TMTC4: variants seen among roughly 807,000 people sequenced by gnomAD.
TMTC4 encodes the protein protein O-mannosyl-transferase TMTC4.
In TMTC4, 65 loss-of-function variants were observed where a neutral mutation model predicts 86.0. The observed-to-expected ratio is 0.76, with a 90% CI of 0.62 to 0.93. TMTC4 has a LOEUF of 0.93. Ranked by LOEUF, TMTC4 falls within the 40% of genes least tolerant of loss-of-function variation. The probability of loss-of-function intolerance (pLI) is 0.00; values close to 1 mark genes in which losing one functional copy is unlikely to be tolerated. For missense variants in TMTC4, 866 were observed against 948.1 expected, an observed-to-expected ratio of 0.91 and a Z score of 1.14; for synonymous variants, 379 against 382.5, an observed-to-expected ratio of 0.99 and a Z score of 0.11.
chr13:100,628,957 T>G (rs1880945072), intron 12 of TMTC4, among the ~76,000 whole-genome samples: 1 of 152,148 alleles, frequency 6.6e-6, no homozygotes, highest in African/African-American at 2.4e-5. Context: ...GAGACCAGCG[T>G]GTCCAACATG....
intron 15 of TMTC4, among the ~76,000 whole-genome samples, chr13:100,618,879 A>G (rs1049049747): frequency 2.0e-5 from 3 of 152,328 alleles, no homozygotes; most frequent in Admixed American, 6.5e-5. Flanking sequence ...AAAGTCTCCC[A>G]TGTCTACTTC....
At chr13:100,674,416 G>A (rs1887564045) in intron 1 of TMTC4, 5 of 920,634 alleles carry the variant, frequency 5.4e-6, no homozygotes, top group Non-Finnish European at 6.5e-6. Context: ...AGGGAGCGCC[G>A]GCGCGGCTGT....
intron 15 of TMTC4, chr13:100,624,571 AAAAC>A (rs71862363): frequency 0.82 from 124,120 of 151,286 alleles, 51,536 homozygotes; most frequent in East Asian, 0.99. Context: ...AAAACAAAAC[AAAAC>A]AAACAAACAA....
At chr13:100,627,322 G>C (rs1036155529) in intron 12 of TMTC4, among the ~76,000 whole-genome samples, 1 of 152,186 alleles carries the variant, frequency 6.6e-6, no homozygotes, top group Non-Finnish European at 1.5e-5. Flanking sequence ...GTAAGTGTGT[G>C]AGTGCCCCAG....
intron 15 of TMTC4, among the ~76,000 whole-genome samples, chr13:100,615,431 G>A (rs944802380): frequency 6.6e-6 from 1 of 150,960 alleles, no homozygotes; most frequent in East Asian, 2.0e-4. Context: ...GTGAGCCACC[G>A]CGCCAGGCGT....
chr13:100,615,398 C>T (rs1276399279), intron 15 of TMTC4, among the ~76,000 whole-genome samples: 1 of 151,894 alleles, frequency 6.6e-6, no homozygotes, highest in Non-Finnish European at 1.5e-5. Context: ...GCCTCAGCCT[C>T]CCGAAGTGCT....
chr13:100,647,948 A>G (rs1015259389), intron 6 of TMTC4, among the ~76,000 whole-genome samples: 1 of 152,168 alleles, frequency 6.6e-6, no homozygotes, highest in Non-Finnish European at 1.5e-5. Flanking sequence ...CCACACTCTC[A>G]AACTCTAAAC....
Position 100,635,133 on chromosome 13 carries a change from A to C in TMTC4, c.1265T>G (p.Phe422Cys), listed in dbSNP as rs749369839. 6.2e-7 allele frequency: 1 copy of C among 1,614,090 alleles called. No homozygotes were observed. The highest frequency in any genetic ancestry group is 8.5e-7 in the Non-Finnish European group (1 of 1,179,986). ...IPFLPASNLFFRVGFVVAERV... is the reference protein window; with the variant it reads ...IPFLPASNLFCRVGFVVAERV... ...CTCTGCGACCACGAAGCCCACTCGGAAGAACAGGTTACTCGCGGGGAGAAA... is the reference window on the plus strand; with the variant it reads ...CTCTGCGACCACGAAGCCCACTCGGCAGAACAGGTTACTCGCGGGGAGAAA... Residue 422 changes from phenylalanine to cysteine, a missense_variant, in exon 11 of 19, where the codon TTC (phenylalanine) becomes TGC (cysteine). Transcript: ENST00000342624.
chr13:100,618,451 CTTGTTTTTTTT>C lies in TMTC4; in HGVS notation c.1837-4032_1837-4022del, dbSNP rs1878874245. On this transcript the variant is annotated intron_variant, in intron 15 of 18. Transcript: ENST00000342624. ...GAATGCTTCCAGATTTTTGTTGCTT[CTTGTTTTTTTT>C]TTTTTTTTAATCTCTCTCTCTCTCT... Among the ~76,000 whole-genome samples the C allele has an allele frequency of 4.9e-5, 4 of 82,432 alleles. No homozygotes were observed. The South Asian group carries it at 1.7e-3, about 34-fold the overall frequency. 54.1% of individuals were successfully genotyped at this position (82,432 alleles called of 152,430 possible).
In TMTC4 at chr13:100,635,141, G is replaced by T. The variant is rs778916393; in HGVS notation, c.1257C>A (p.Asn419Lys). ...CCACGAAGCCCACTCGGAAGAACAG[G>T]TTACTCGCGGGGAGAAATGGGATAA... ...FLVIPFLPAS[N>K]LFFRVGFVVA... The change falls in exon 11 of 19, where the codon AAC becomes AAA. Residue 419 changes from asparagine (N) to lysine (K), a missense_variant. Coordinates refer to ENST00000342624, the MANE Select transcript of TMTC4 (RefSeq NM_032813.5). 6.8e-6 allele frequency: 11 copies of T among 1,613,752 alleles called. No homozygotes were observed. Among genetic ancestry groups the T allele is most frequent in the Non-Finnish European group, 8.5e-6 (10 of 1,179,936 alleles).
intron 16 of TMTC4, 81 bp from the exon 17 acceptor site, chr13:100,612,591 T>C (rs72661055): frequency 0.013 from 13,153 of 991,022 alleles, 112 homozygotes; most frequent in Non-Finnish European, 0.017. Context: ...TAACAGGGTT[T>C]ATGTGCACAG....
At chr13:100,649,799 ATTAC>A (rs1418200445) in intron 6 of TMTC4, among the ~76,000 whole-genome samples, 21 of 151,442 alleles carry the variant, frequency 1.4e-4, no homozygotes, top group Non-Finnish European at 2.9e-4. Context: ...ATAAATAAAA[ATTAC>A]TTAATATTTA....
At chr13:100,627,138 G>C (rs546642291) in intron 12 of TMTC4, among the ~76,000 whole-genome samples, 4 of 152,256 alleles carry the variant, frequency 2.6e-5, no homozygotes, top group African/African-American at 9.6e-5. Context: ...CCTGTCTCTG[G>C]TATTATTCTC....
At chr13:100,642,837 G>A (rs1471100945) in intron 6 of TMTC4, among the ~76,000 whole-genome samples, 3 of 152,136 alleles carry the variant, frequency 2.0e-5, no homozygotes, top group Non-Finnish European at 2.9e-5. Context: ...TCCCTGTGTG[G>A]AACAGCTCCA....
chr13:100,668,216 GTT>G (rs34960647), intron 3 of TMTC4: 36 of 157,676 alleles, frequency 2.3e-4, no homozygotes, highest in East Asian at 1.6e-3. Context: ...TGCGTGATGG[GTT>G]TTTTTTTTTT....
At chr13:100,663,450 C>A (rs937119265) in intron 4 of TMTC4, among the ~76,000 whole-genome samples, 2 of 152,080 alleles carry the variant, frequency 1.3e-5, no homozygotes, top group Admixed American at 6.6e-5. Context: ...AGAGGAAAAT[C>A]GAAAGGAAAG....
chr13:100,662,262 T>G, intron 5 of TMTC4, among the ~76,000 whole-genome samples: 1 of 136,220 alleles, frequency 7.3e-6, no homozygotes, highest in Admixed American at 7.1e-5. Flanking sequence ...TGGAGGAGGG[T>G]GGAGAGACTT....
chr13:100,646,548 C>A (rs949074378), intron 6 of TMTC4, among the ~76,000 whole-genome samples: 1 of 152,202 alleles, frequency 6.6e-6, no homozygotes, highest in Non-Finnish European at 1.5e-5. Flanking sequence ...CAGCCCGTTT[C>A]ATTAAACTCT....
intron 15 of TMTC4, among the ~76,000 whole-genome samples, chr13:100,619,574 C>T (rs1021285325): frequency 1.2e-4 from 19 of 152,188 alleles, no homozygotes; most frequent in Admixed American, 2.6e-4. Context: ...TTGTCCTACG[C>T]TACACAGCAA....
Sources: allele counts gnomAD v4.1 joint callset (sites outside exome capture counted in the v4.1 genomes callset), GRCh38; gene constraint gnomAD v4.1.1; transcripts MANE v1.5; gene names NCBI Gene and HGNC (gene_info 2026-07-23, HGNC 2026-07-21).